RAB11FIP3: variants seen among roughly 807,000 people sequenced by gnomAD.
RAB11FIP3 encodes RAB11 family interacting protein 3.
A neutral mutation model predicts 77.8 loss-of-function variants in RAB11FIP3; 17 were observed. That is an observed-to-expected ratio of 0.22 (90% confidence interval 0.15 to 0.33). The LOEUF (loss-of-function observed/expected upper bound fraction) is 0.33. Ranked by LOEUF, RAB11FIP3 falls within the 10% of genes least tolerant of loss-of-function variation. RAB11FIP3 has a pLI of 1.00. For synonymous variants in RAB11FIP3, 437 were observed against 448.2 expected (o/e 0.98, Z 0.31); for missense variants, 1,005 against 1,011.2 (o/e 0.99, Z 0.08).
At chr16:493,515 C>A (rs959285294) in intron 5 of RAB11FIP3, among the ~76,000 whole-genome samples, 6 of 152,306 alleles carry the variant, frequency 3.9e-5, no homozygotes, top group African/African-American at 1.4e-4. Flanking sequence ...CAGAACAGGC[C>A]AATAGCTGTT....
chr16:478,098 C>T (rs541650448), intron 3 of RAB11FIP3, among the ~76,000 whole-genome samples: 1 of 152,304 alleles, frequency 6.6e-6, no homozygotes, highest in South Asian at 2.1e-4. Flanking sequence ...GGCAGCTCGG[C>T]CTGGCCCTTC....
Position 471,225 on chromosome 16 carries a change from G to A in RAB11FIP3, c.809-70G>A, listed in dbSNP as rs1464083812. On this transcript the variant is annotated intron_variant, in intron 2 of 13. Coordinates refer to ENST00000262305, the MANE Select transcript of RAB11FIP3 (RefSeq NM_014700.4). This position sits in a 1 kb window ranked among gnomAD's most constrained non-coding sequence, Gnocchi z 4.4. ...GGGGGCCTCCTTCCCAGGGAGTCCC[G>A]AGGCCGCCAGGGGTCCCGTCACTGG... 5.0e-6 allele frequency: 7 copies of A among 1,400,214 alleles called. No homozygotes were observed. The highest frequency in any genetic ancestry group is 1.8e-5 in the Admixed American group (1 of 56,276). The allele number at this position is 1,400,214 out of a possible 1,614,324, so 86.7% of individuals were successfully genotyped here.
intron 1 of RAB11FIP3, among the ~76,000 whole-genome samples, chr16:440,944 T>TC (rs2141860349): frequency 6.6e-6 from 1 of 151,404 alleles, no homozygotes; most frequent in East Asian, 1.9e-4. Context: ...CATTTTTCTT[T>TC]TTTTTTTTTT....
chr16:437,144 G>C (rs1280870666), intron 1 of RAB11FIP3, among the ~76,000 whole-genome samples: 1 of 151,952 alleles, frequency 6.6e-6, no homozygotes, highest in East Asian at 1.9e-4. Flanking sequence ...TGGGTGTGGT[G>C]GCGGGCACCT....
chr16:451,092 T>G (rs1339030579), intron 1 of RAB11FIP3, among the ~76,000 whole-genome samples: 1 of 152,226 alleles, frequency 6.6e-6, no homozygotes, highest in African/African-American at 2.4e-5. Flanking sequence ...CTCATGTGCA[T>G]TTTAAGAGTC....
chr16:520,434 A>T, intron 12 of RAB11FIP3, 25 bp from the exon 13 acceptor site: 1 of 1,612,484 alleles, frequency 6.2e-7, no homozygotes, highest in East Asian at 2.2e-5. Flanking sequence ...GCCACAGCCC[A>T]GTAGTGATGT....
chr16:522,203 A>G lies in RAB11FIP3; in HGVS notation c.*1364A>G, dbSNP rs1452230349. ...ATTTTTTATAGATTGAAGGTTGATC[A>G]ATTTTTTAATACTTTCAAGAGAAAA... is the stretch of plus-strand genomic sequence containing the variant. On this transcript the variant is annotated 3_prime_UTR_variant, in exon 14 of 14. Coordinates refer to ENST00000262305, the MANE Select transcript of RAB11FIP3 (RefSeq NM_014700.4). 1.3e-5 allele frequency: 2 copies of G among 149,500 alleles called. No homozygotes were observed. Among genetic ancestry groups the G allele is most frequent in the African/African-American group, 4.9e-5 (2 of 40,568 alleles). 9.3% of individuals were successfully genotyped at this position (149,500 alleles called of 1,614,324 possible). A position where few individuals can be genotyped will look rare whatever the true frequency, so the allele number is the denominator to read the frequency against.
rs2055568368 is a variant in RAB11FIP3, at chr16:459,553, C to T, written c.715-1851C>T. Among the ~76,000 whole-genome samples, 3 of 151,796 alleles carry T rather than the reference C, an allele frequency of 2.0e-5. No individual in the cohort carries two copies. In the South Asian group the frequency reaches 6.2e-4, roughly 32 times the overall value. On this transcript the variant is annotated intron_variant, in intron 1 of 13. Transcript: ENST00000262305. ...CCGGGTTCAAGCGATTCTCCAGCTTCAGCCTCCTGAGTAGCTGGGATTACA... is the reference window on the plus strand; with the variant it reads ...CCGGGTTCAAGCGATTCTCCAGCTTTAGCCTCCTGAGTAGCTGGGATTACA...
intron 1 of RAB11FIP3, among the ~76,000 whole-genome samples, chr16:458,432 C>G (rs1433314642): frequency 1.3e-5 from 2 of 150,876 alleles, no homozygotes; most frequent in Non-Finnish European, 3.0e-5. Flanking sequence ...CCCACAGGGC[C>G]TGGGGGGCCT....
At position 502,962 on chromosome 16, in the gene RAB11FIP3, G is replaced by T. The variant is rs371931966; in HGVS notation, c.1302-42G>T. On this transcript the variant is annotated intron_variant, in intron 6 of 13. Coordinates refer to ENST00000262305, the MANE Select transcript of RAB11FIP3 (RefSeq NM_014700.4). ...TTGTGCTGACGGAGCATGTCCTGTG[G>T]TTTTTCCCTTTCTTCCCTCTGTTGT... 2.2e-5 allele frequency: 33 copies of T among 1,495,718 alleles called. No individual in the cohort carries two copies. The Middle Eastern group carries it at 1.0e-3, about 47-fold the overall frequency. The allele number at this position is 1,495,718 out of a possible 1,614,324, so 92.7% of individuals were successfully genotyped here. A position where few individuals can be genotyped will look rare whatever the true frequency, so the allele number is the denominator to read the frequency against.
chr16:455,103 C>T (rs566255150), intron 1 of RAB11FIP3, among the ~76,000 whole-genome samples: 1 of 148,000 alleles, frequency 6.8e-6, no homozygotes, highest in East Asian at 2.0e-4. Context: ...TTTTCTTGGC[C>T]ACATGCACCA....
Position 471,277 on chromosome 16 carries a change from G to A in RAB11FIP3, c.809-18G>A, listed in dbSNP as rs778249791. 1.1e-5 allele frequency: 18 copies of A among 1,607,504 alleles called. No individual in the cohort carries two copies. Among genetic ancestry groups the A allele is most frequent in the South Asian group, 2.2e-5 (2 of 90,844 alleles). Reference sequence around the variant, plus strand: ...TGGCTATGGGTGGCCTGTTGAGCACGAGGTCTTCTCCCTGCAGATCCTGAT... The same window carrying A: ...TGGCTATGGGTGGCCTGTTGAGCACAAGGTCTTCTCCCTGCAGATCCTGAT... On this transcript the variant is annotated intron_variant, in intron 2 of 13. Coordinates refer to ENST00000262305, the MANE Select transcript of RAB11FIP3 (RefSeq NM_014700.4). This position sits in a 1 kb window ranked among gnomAD's most constrained non-coding sequence, Gnocchi z 4.4.
In RAB11FIP3 at chr16:507,172, C is replaced by T. The variant is rs1223192743; in HGVS notation, c.1499+1545C>T. Among the ~76,000 whole-genome samples the T allele has an allele frequency of 3.4e-5, 5 of 148,890 alleles. No homozygotes were observed. The highest frequency in any genetic ancestry group is 2.1e-4 in the South Asian group (1 of 4,732). On this transcript the variant is annotated intron_variant, in intron 8 of 13. Coordinates refer to ENST00000262305, the MANE Select transcript of RAB11FIP3 (RefSeq NM_014700.4). This position sits in a 1 kb window ranked among gnomAD's most constrained non-coding sequence, Gnocchi z 4.6. ...CTGTCTCCAGGCTGGAGTGCAGTGGCGCAATCTTGGCTCACCGCAACCTCC... is the reference window on the plus strand; with the variant it reads ...CTGTCTCCAGGCTGGAGTGCAGTGGTGCAATCTTGGCTCACCGCAACCTCC...
chr16:446,734 C>T (rs1415704057), intron 1 of RAB11FIP3, among the ~76,000 whole-genome samples: 2 of 151,878 alleles, frequency 1.3e-5, no homozygotes, highest in Non-Finnish European at 2.9e-5. Context: ...CTCGCTCTGT[C>T]GCCCAGGCTG....
chr16:492,444 G>GT (rs1567392269), intron 5 of RAB11FIP3, among the ~76,000 whole-genome samples: 19 of 138,722 alleles, frequency 1.4e-4, no homozygotes, highest in African/African-American at 4.4e-4. Flanking sequence ...ACCCGAGGCC[G>GT]CCCAGGGCCC....
Position 426,635 on chromosome 16 carries a change from T to C in RAB11FIP3, c.629T>C (p.Val210Ala), listed in dbSNP as rs1385611132. 1.3e-6 allele frequency: 2 copies of C among 1,587,962 alleles called. No homozygotes were observed. The highest frequency in any genetic ancestry group is 1.7e-6 in the Non-Finnish European group (2 of 1,168,530). Residue 210 changes from valine to alanine, a missense_variant, in exon 1 of 14, where the codon GTG becomes GCG. By Grantham distance (64) the Val-to-Ala change is moderately conservative. Coordinates refer to ENST00000262305, the MANE Select transcript of RAB11FIP3 (RefSeq NM_014700.4). This position sits in a 1 kb window ranked among gnomAD's most constrained non-coding sequence, Gnocchi z 5.0. ...GAGGACGGCCCCCGCCTCCGAGCCG[T>C]GTTCGATGCCCTGGACGGGGATGGG... ...SQEDGPRLRA[V>A]FDALDGDGDG...
chr16:432,720 C>G (rs1818358892), intron 1 of RAB11FIP3, among the ~76,000 whole-genome samples: 1 of 150,952 alleles, frequency 6.6e-6, no homozygotes, highest in South Asian at 2.1e-4. Flanking sequence ...CTGCCTCAGA[C>G]TCCCTCAGCC....
At chr16:492,486 C>CT (rs1555505328) in intron 5 of RAB11FIP3, among the ~76,000 whole-genome samples, 4,272 of 44,034 alleles carry the variant, frequency 0.097, 660 homozygotes, top group African/African-American at 0.28. Context: ...GCCCAGGGCC[C>CT]TCCCGGGAGA....
chr16:484,390 C>T (rs1196486165), intron 4 of RAB11FIP3, among the ~76,000 whole-genome samples: 5 of 151,528 alleles, frequency 3.3e-5, no homozygotes, highest in South Asian at 4.2e-4. Flanking sequence ...CTCGCTCTGT[C>T]GCCCAGGCTG....
Sources: allele counts gnomAD v4.1 joint callset (sites outside exome capture counted in the v4.1 genomes callset), GRCh38; gene constraint gnomAD v4.1.1; non-coding constraint Gnocchi (gnomAD v3.1); transcripts MANE v1.5; gene names NCBI Gene and HGNC (gene_info 2026-07-23, HGNC 2026-07-21).